Variants in DCC observed in about 807,000 individuals in gnomAD.
DCC encodes netrin receptor DCC.
A neutral mutation model predicts 172.5 loss-of-function variants in DCC; 58 were observed. The observed-to-expected ratio is 0.34, with a 90% CI of 0.27 to 0.42. The LOEUF is 0.42. DCC is among the 10% of genes least tolerant of loss of function. DCC has a pLI of 1.00. For missense variants in DCC, 1,740 were observed against 1,791.0 expected (o/e 0.97, Z 0.51); for synonymous variants, 709 against 644.5 (o/e 1.10, Z -1.52).
At chr18:52,539,419 C>A (rs1443978875) in intron 1 of DCC, among the ~76,000 whole-genome samples, 1 of 152,172 alleles carries the variant, frequency 6.6e-6, no homozygotes, top group Non-Finnish European at 1.5e-5. Context: ...AAGAACTGAG[C>A]CACACAGCAG....
chr18:52,417,405 C>T (rs1362845708), intron 1 of DCC, among the ~76,000 whole-genome samples: 5 of 152,044 alleles, frequency 3.3e-5, no homozygotes, highest in Non-Finnish European at 5.9e-5. Context: ...TTTCCTGAAT[C>T]TGAATGTTGG....
chr18:53,176,152 C>T (rs2055089850), intron 8 of DCC, among the ~76,000 whole-genome samples: 2 of 132,930 alleles, frequency 1.5e-5, no homozygotes, highest in South Asian at 5.4e-4. Flanking sequence ...TGGATCCCTT[C>T]CTTACACCTT....
At chr18:53,190,113 ACCAGGTTTCT>A (rs2055344147) in intron 9 of DCC, among the ~76,000 whole-genome samples, 1 of 151,974 alleles carries the variant, frequency 6.6e-6, no homozygotes, top group African/African-American at 2.4e-5. Flanking sequence ...TTTAGCAGAC[ACCAGGTTTCT>A]CCATGTTGGT....
At chr18:52,507,553 C>T (rs1810532813) in intron 1 of DCC, among the ~76,000 whole-genome samples, 1 of 152,158 alleles carries the variant, frequency 6.6e-6, no homozygotes, top group Non-Finnish European at 1.5e-5. Flanking sequence ...TTAACCTGTT[C>T]TTTGCCAAAC....
chr18:52,470,941 A>G (rs1988928608), intron 1 of DCC, among the ~76,000 whole-genome samples: 1 of 152,212 alleles, frequency 6.6e-6, no homozygotes, highest in Non-Finnish European at 1.5e-5. Flanking sequence ...AAGGCACTGA[A>G]AAAGAAGAAA....
intron 5 of DCC, among the ~76,000 whole-genome samples, chr18:52,966,690 A>G (rs940038559): frequency 6.6e-6 from 1 of 152,136 alleles, no homozygotes; most frequent in African/African-American, 2.4e-5. Context: ...CAGCTCTTCC[A>G]TGGCTCCTAC....
intron 15 of DCC, among the ~76,000 whole-genome samples, chr18:53,350,875 A>G (rs2057783649): frequency 6.6e-6 from 1 of 152,012 alleles, no homozygotes; most frequent in African/African-American, 2.4e-5. Flanking sequence ...TTTTAACTAT[A>G]ATATTCTGAT....
At chr18:52,996,157 A>C (rs1361272949) in intron 5 of DCC, among the ~76,000 whole-genome samples, 1 of 151,982 alleles carries the variant, frequency 6.6e-6, no homozygotes, top group African/African-American at 2.4e-5. Flanking sequence ...AATAGCGTAA[A>C]ATTATGAAGT....
chr18:52,906,019 TCTTC>T lies in DCC; in HGVS notation c.413-20_413-17del, dbSNP rs760455912. 5.3e-6 allele frequency: 8 copies of T among 1,506,166 alleles called. No individual in the cohort carries two copies. In the South Asian group the frequency reaches 9.0e-5, roughly 17 times the overall value. 93.3% of individuals were successfully genotyped at this position (1,506,166 alleles called of 1,614,324 possible). Reference sequence around the variant, plus strand: ...ATTGTGCTTTATTTGGAAGACTTATTCTTCCTTCTTTGTTTTTCTCCTAGGACCA... The same window carrying T: ...ATTGTGCTTTATTTGGAAGACTTATTCTTCTTTGTTTTTCTCCTAGGACCA... On this transcript the variant is annotated intron_variant, in intron 2 of 28. Coordinates refer to ENST00000442544, the MANE Select transcript of DCC (RefSeq NM_005215.4).
chr18:53,023,169 G>A (rs1029020804), intron 5 of DCC, among the ~76,000 whole-genome samples: 17 of 151,714 alleles, frequency 1.1e-4, no homozygotes, highest in African/African-American at 4.1e-4. Context: ...CAGTATAGAA[G>A]TATTTACCAG....
chr18:53,454,032 T>C (rs1266259247), intron 23 of DCC, among the ~76,000 whole-genome samples: 1 of 152,208 alleles, frequency 6.6e-6, no homozygotes, highest in Non-Finnish European at 1.5e-5. Context: ...GAGATTATCG[T>C]ATGACATCTA....
At chr18:52,545,154 C>A (rs1005486305) in intron 1 of DCC, among the ~76,000 whole-genome samples, 1 of 152,148 alleles carries the variant, frequency 6.6e-6, no homozygotes, top group Non-Finnish European at 1.5e-5. Flanking sequence ...AATTTTTATA[C>A]CTTGGGGAAG....
Position 53,087,720 on chromosome 18 carries a change from G to A in DCC, c.1261+21554G>A, listed in dbSNP as rs2042936239. 2.6e-5 allele frequency among the ~76,000 whole-genome samples: 4 copies of A among 152,088 alleles called. No homozygotes were observed. In the South Asian group the frequency reaches 8.3e-4, roughly 32 times the overall value. ...GGTAATGCCTAGGTTTTCTTCTAGG[G>A]TTTTTATGGTTTTAGGTCTAACGTT... On this transcript the variant is annotated intron_variant, in intron 7 of 28. Transcript: ENST00000442544.
intron 1 of DCC, among the ~76,000 whole-genome samples, chr18:52,707,717 A>T (rs935514383): frequency 6.6e-6 from 1 of 152,238 alleles, no homozygotes; most frequent in Non-Finnish European, 1.5e-5. Context: ...CGTGACATGG[A>T]TGAACCTGAA....
intron 7 of DCC, among the ~76,000 whole-genome samples, chr18:53,152,299 T>C (rs1452453721): frequency 6.6e-6 from 1 of 152,146 alleles, no homozygotes; most frequent in Non-Finnish European, 1.5e-5. Context: ...TCATAGGGAA[T>C]GAAGGTAGTG....
chr18:53,005,558 C>G (rs527908736), intron 5 of DCC, among the ~76,000 whole-genome samples: 1 of 152,224 alleles, frequency 6.6e-6, no homozygotes, highest in African/African-American at 2.4e-5. Flanking sequence ...CATGACGAAA[C>G]CCCATCTCTA....
intron 1 of DCC, among the ~76,000 whole-genome samples, chr18:52,398,695 C>T (rs990851444): frequency 4.6e-5 from 7 of 151,970 alleles, no homozygotes; most frequent in African/African-American, 1.4e-4. Flanking sequence ...CATAAAACAG[C>T]AACTTTCACT....
intron 2 of DCC, among the ~76,000 whole-genome samples, chr18:52,797,725 C>G (rs2037902801): frequency 6.6e-6 from 1 of 152,082 alleles, no homozygotes; most frequent in Admixed American, 6.6e-5. Flanking sequence ...TATACTCTGC[C>G]CTGTACAATT....
intron 13 of DCC, among the ~76,000 whole-genome samples, chr18:53,307,688 A>C (rs987005837): frequency 3.3e-5 from 5 of 151,672 alleles, no homozygotes; most frequent in African/African-American, 1.2e-4. Context: ...GCAGCCAATA[A>C]AGATGATAAA....
Sources: gnomAD v4.1 joint callset for allele counts (sites outside exome capture counted in the v4.1 genomes callset) on GRCh38, gnomAD v4.1.1 for gene constraint, MANE v1.5 for transcripts, NCBI Gene and HGNC (gene_info 2026-07-23, HGNC 2026-07-21) for gene names.